ARAP2: variants seen among roughly 807,000 people sequenced by gnomAD.
ARAP2 encodes ArfGAP with RhoGAP domain, ankyrin repeat and PH domain 2, also known as arf-GAP with Rho-GAP domain, ANK repeat and PH domain-containing protein 2.
A neutral mutation model predicts 194.5 loss-of-function variants in ARAP2; 148 were observed. That is an observed-to-expected ratio of 0.76 (90% CI 0.67 to 0.87). The LOEUF is 0.87. Ranked by LOEUF, ARAP2 falls within the 40% of genes least tolerant of loss-of-function variation. The pLI is 0.00. For synonymous variants in ARAP2, 695 were observed against 683.5 expected (o/e 1.02, Z -0.26); for missense variants, 2,128 against 1,989.7 (o/e 1.07, Z -1.32).
At chr4:36,073,081 T>G (rs1216952724) in intron 32 of ARAP2, among the ~76,000 whole-genome samples, 2 of 152,168 alleles carry the variant, frequency 1.3e-5, no homozygotes, top group East Asian at 3.9e-4. Context: ...AAATGGCTAA[T>G]GAGTTTTGAG....
chr4:36,140,139 T>TACACACACACAC (rs66531233), intron 19 of ARAP2, among the ~76,000 whole-genome samples: 15,440 of 140,280 alleles, frequency 0.11, 1,067 homozygotes, highest in East Asian at 0.24. Context: ...ACAAAAACAA[T>TACACACACACAC]ACACACACAC....
intron 9 of ARAP2, among the ~76,000 whole-genome samples, chr4:36,009,884 G>C (rs548660018): frequency 7.0e-6 from 1 of 143,060 alleles, no homozygotes; most frequent in African/African-American, 2.6e-5. Context: ...TTTTTTTGGC[G>C]GGGGGTAGGG....
Position 36,067,287 on chromosome 4 carries a change from T to A in ARAP2, c.*620A>T, listed in dbSNP as rs1468727145. 6.6e-6 allele frequency: 1 copy of A among 152,660 alleles called. No individual in the cohort carries two copies. Among genetic ancestry groups the A allele is most frequent in the East Asian group, 1.9e-4 (1 of 5,204 alleles). The allele number at this position is 152,660 out of a possible 1,614,324, so 9.5% of individuals were successfully genotyped here. A position where few individuals can be genotyped will look rare whatever the true frequency, so the allele number is the denominator to read the frequency against. The stretch of plus-strand genomic sequence containing the variant: ...CACTGGACTTTTTCTTAACAAGTGG[T>A]TTCTCATTGACAAGTTCTGGTCATT... On this transcript the variant is annotated 3_prime_UTR_variant, in exon 33 of 33. Coordinates refer to ENST00000303965, the MANE Select transcript of ARAP2 (RefSeq NM_015230.4).
intron 27 of ARAP2, among the ~76,000 whole-genome samples, chr4:36,095,023 T>C (rs536203098): frequency 6.6e-6 from 1 of 152,320 alleles, no homozygotes; most frequent in Non-Finnish European, 1.5e-5. Flanking sequence ...GTGTGATGTA[T>C]AAAGACATGT....
At chr4:36,131,204 T>G (rs1725356904) in intron 20 of ARAP2, among the ~76,000 whole-genome samples, 5 of 151,630 alleles carry the variant, frequency 3.3e-5, no homozygotes. Flanking sequence ...GCATTGAGGT[T>G]TCCCCAACGT....
intron 10 of ARAP2, among the ~76,000 whole-genome samples, chr4:36,166,410 C>A (rs1735298545): frequency 6.6e-6 from 1 of 151,524 alleles, no homozygotes; most frequent in Non-Finnish European, 1.5e-5. Context: ...TAGTAGAATA[C>A]CATAATATGA....
At chr4:36,175,490 G>A (rs1737684402) in intron 9 of ARAP2, among the ~76,000 whole-genome samples, 1 of 152,118 alleles carries the variant, frequency 6.6e-6, no homozygotes, top group Admixed American at 6.6e-5. Context: ...GGGCCTGAAC[G>A]TGGACGGCCT....
At chr4:36,219,061 A>G (rs1343169355) in intron 2 of ARAP2, among the ~76,000 whole-genome samples, 1 of 152,218 alleles carries the variant, frequency 6.6e-6, no homozygotes, top group East Asian at 1.9e-4. Context: ...CTACATGGCT[A>G]ACAAAAAACA....
chr4:36,211,347 G>A (rs1746726973), intron 5 of ARAP2, among the ~76,000 whole-genome samples: 1 of 152,124 alleles, frequency 6.6e-6, no homozygotes, highest in Non-Finnish European at 1.5e-5. Flanking sequence ...TAAAAGCTAT[G>A]TAATGCACAA....
At chr4:36,108,503 T>A (rs1388748724) in intron 26 of ARAP2, among the ~76,000 whole-genome samples, 1 of 151,822 alleles carries the variant, frequency 6.6e-6, no homozygotes, top group Non-Finnish European at 1.5e-5. Flanking sequence ...TAACTACTAG[T>A]GGGAATATAA....
chr4:36,062,248 A>C (rs1724565250), downstream of ARAP2, among the ~76,000 whole-genome samples: 1 of 152,128 alleles, frequency 6.6e-6, no homozygotes, highest in Non-Finnish European at 1.5e-5. Flanking sequence ...AAGTTTCCTC[A>C]ATGCACCATG....
At chr4:36,142,844 G>A (rs565550394) in intron 19 of ARAP2, among the ~76,000 whole-genome samples, 7 of 151,530 alleles carry the variant, frequency 4.6e-5, no homozygotes, top group East Asian at 1.9e-4. Flanking sequence ...CCTTCTTTAC[G>A]CTGGCAACTC....
intron 5 of ARAP2, among the ~76,000 whole-genome samples, chr4:36,031,383 C>G (rs187275509): frequency 5.0e-4 from 76 of 152,228 alleles, no homozygotes; most frequent in Non-Finnish European, 9.6e-4. Flanking sequence ...CCTTCTTATA[C>G]TAAGAAGCTT....
chr4:36,095,457 T>C (rs1714899258), intron 27 of ARAP2, among the ~76,000 whole-genome samples: 1 of 152,034 alleles, frequency 6.6e-6, no homozygotes, highest in Admixed American at 6.6e-5. Flanking sequence ...TAGTAAGTGA[T>C]AGAAAAGGGG....
intron 6 of ARAP2, among the ~76,000 whole-genome samples, chr4:36,200,275 GAC>G (rs1744100104): frequency 6.7e-6 from 1 of 148,570 alleles, no homozygotes; most frequent in African/African-American, 2.5e-5. Flanking sequence ...TTTTTTTTGA[GAC>G]ACAGTTTTGT....
At chr4:36,151,129 C>A in intron 15 of ARAP2, 85 bp from the exon 16 acceptor site, 2 of 1,163,976 alleles carry the variant, frequency 1.7e-6, no homozygotes, top group Non-Finnish European at 2.4e-6. Context: ...TAAATAATGG[C>A]TGGATGCAAG....
intron 5 of ARAP2, among the ~76,000 whole-genome samples, chr4:36,038,519 G>A (rs1369884988): frequency 6.6e-6 from 1 of 152,142 alleles, no homozygotes; most frequent in African/African-American, 2.4e-5. Flanking sequence ...TAACTTCCGT[G>A]ACTCAGGCAA....
intron 5 of ARAP2, among the ~76,000 whole-genome samples, chr4:36,030,347 T>C (rs1718710244): frequency 6.6e-6 from 1 of 152,116 alleles, no homozygotes; most frequent in African/African-American, 2.4e-5. Flanking sequence ...CTAGGGGAAT[T>C]TGTTATCTCC....
chr4:36,134,757 C>T (rs1560502912), intron 19 of ARAP2, among the ~76,000 whole-genome samples: 1 of 143,628 alleles, frequency 7.0e-6, no homozygotes, highest in East Asian at 2.2e-4. Context: ...CACACACACA[C>T]ACACCCTCCT....
Sources: allele counts gnomAD v4.1 joint callset (sites outside exome capture counted in the v4.1 genomes callset), GRCh38; gene constraint gnomAD v4.1.1; transcripts MANE v1.5; gene names NCBI Gene and HGNC (gene_info 2026-07-23, HGNC 2026-07-21).